RPTOR: variants seen among roughly 807,000 people sequenced by gnomAD.
RPTOR encodes the protein regulatory associated protein of MTOR complex 1.
Under a neutral mutation model 169.9 loss-of-function variants are expected in RPTOR, and 21 were observed. That is an observed-to-expected ratio of 0.12 (90% CI 0.09 to 0.18). The LOEUF (loss-of-function observed/expected upper bound fraction) is 0.18. RPTOR is among the 10% of genes least tolerant of loss of function. RPTOR has a pLI of 1.00. For missense variants in RPTOR, 1,133 were observed against 1,855.9 expected (o/e 0.61, Z 7.16); for synonymous variants, 732 against 753.2 (o/e 0.97, Z 0.46).
intron 13 of RPTOR, among the ~76,000 whole-genome samples, chr17:80,872,976 G>GC (rs1254165672): frequency 6.6e-6 from 1 of 152,208 alleles, no homozygotes; most frequent in East Asian, 1.9e-4. Context: ...CCTAGAGCGG[G>GC]CCCCCCACCA....
In RPTOR at chr17:80,618,397, T is replaced by A. The variant is rs547797996; in HGVS notation, c.163-7294T>A. ...TGAAACTTATTTTGTATGCAGTTCTTATTTTGACTTTCAGAAATCTAAATT... is the reference window on the plus strand; with the variant it reads ...TGAAACTTATTTTGTATGCAGTTCTAATTTTGACTTTCAGAAATCTAAATT... On this transcript the variant is annotated intron_variant, in intron 1 of 33. Transcript: ENST00000306801. Among the ~76,000 whole-genome samples the A allele has an allele frequency of 8.5e-5, 13 of 152,368 alleles. 1 individual carries two copies. The South Asian group carries it at 2.5e-3, about 29-fold the overall frequency.
rs1465093316 is a variant in RPTOR at position 80,546,778 on chromosome 17, GC to G, written c.162+988del. On this transcript the variant is annotated intron_variant, in intron 1 of 33. Transcript: ENST00000306801. ...ATATAAGATTACACTTCTGGGCTGG[GC>G]GCGGTGGCTCACGCCTGTAATCTCA... 2.6e-5 allele frequency among the ~76,000 whole-genome samples: 4 copies of G among 152,246 alleles called. No individual in the cohort carries two copies. In the East Asian group the frequency reaches 7.7e-4, roughly 29 times the overall value.
intron 4 of RPTOR, among the ~76,000 whole-genome samples, chr17:80,720,166 C>T (rs545475314): frequency 4.6e-5 from 7 of 152,146 alleles, no homozygotes; most frequent in South Asian, 4.1e-4. Context: ...TGCATAGTGG[C>T]GGGCACCTGT....
chr17:80,743,408 A>G, intron 5 of RPTOR: 1 of 985,530 alleles, frequency 1.0e-6, no homozygotes, highest in Non-Finnish European at 1.2e-6. Context: ...GAACGTAAGA[A>G]GTTGCCAGCA....
chr17:80,698,321 C>G (rs532191686), intron 3 of RPTOR, among the ~76,000 whole-genome samples: 1 of 151,592 alleles, frequency 6.6e-6, no homozygotes, highest in Non-Finnish European at 1.5e-5. Context: ...CCAGGCCTCA[C>G]TGACTCCTGT....
In RPTOR at chr17:80,545,638, C is replaced by T. The variant is rs759490809; in HGVS notation, c.9C>T (p.Ser3=). The T allele has an allele frequency of 6.2e-7, 1 of 1,611,192 alleles. No homozygotes were observed. Among genetic ancestry groups the T allele is most frequent in the Non-Finnish European group, 8.5e-7 (1 of 1,178,706 alleles). ...CACCCCCTCCCCCACTGATGGAGTC[C>T]GAAATGCTGCAATCGCCTCTTCTGG... ME[S]EMLQSPLLGL... The change falls in exon 1 of 34, where the codon TCC becomes TCT. Residue 3 remains serine (S), a synonymous_variant. Coordinates refer to ENST00000306801, the MANE Select transcript of RPTOR (RefSeq NM_020761.3).
At chr17:80,876,920 G>A (rs1258786009) in intron 13 of RPTOR, among the ~76,000 whole-genome samples, 2 of 132,190 alleles carry the variant, frequency 1.5e-5, no homozygotes, top group Non-Finnish European at 3.2e-5. Flanking sequence ...GTCGCCTGCC[G>A]GGTCTTCCCA....
chr17:80,784,792 G>A (rs1021346199), intron 6 of RPTOR, among the ~76,000 whole-genome samples: 5 of 151,536 alleles, frequency 3.3e-5, no homozygotes, highest in African/African-American at 7.3e-5. Flanking sequence ...TCCGCCTCCC[G>A]AGTTCAAGTG....
intron 4 of RPTOR, among the ~76,000 whole-genome samples, chr17:80,722,322 C>T (rs935748710): frequency 6.6e-6 from 1 of 151,116 alleles, no homozygotes; most frequent in African/African-American, 2.5e-5. Flanking sequence ...TGCAGCTGAA[C>T]ATTTTTGGGA....
At chr17:80,892,207 C>T (rs1192715165) in intron 18 of RPTOR, among the ~76,000 whole-genome samples, 1 of 152,124 alleles carries the variant, frequency 6.6e-6, no homozygotes, top group Non-Finnish European at 1.5e-5. Flanking sequence ...TCATGTCAGG[C>T]GTGCTTTCTC....
At chr17:80,625,837 C>T (rs747187346) in intron 2 of RPTOR, 44 bp downstream of exon 2, 26 of 1,415,576 alleles carry the variant, frequency 1.8e-5, no homozygotes, top group South Asian at 6.9e-5. Flanking sequence ...GCCGTCTGGC[C>T]GGCTCTGGCC....
chr17:80,644,912 A>G (rs1447897525), intron 3 of RPTOR, among the ~76,000 whole-genome samples: 4 of 152,212 alleles, frequency 2.6e-5, no homozygotes, highest in African/African-American at 4.8e-5. Flanking sequence ...TGTCAAGTCA[A>G]TAACAGCAGA....
intron 1 of RPTOR, among the ~76,000 whole-genome samples, chr17:80,579,238 G>T (rs1413728445): frequency 6.6e-6 from 1 of 152,106 alleles, no homozygotes; most frequent in Non-Finnish European, 1.5e-5. Flanking sequence ...TTGTTGCCCA[G>T]GCTGGAGTGC....
intron 20 of RPTOR, among the ~76,000 whole-genome samples, chr17:80,898,030 C>A (rs1484886313): frequency 6.6e-6 from 1 of 152,194 alleles, no homozygotes; most frequent in African/African-American, 2.4e-5. Flanking sequence ...ATGATGTGTT[C>A]TTTCGGTGTC....
chr17:80,877,094 G>A (rs371443874), intron 13 of RPTOR, among the ~76,000 whole-genome samples: 13 of 151,388 alleles, frequency 8.6e-5, no homozygotes, highest in Admixed American at 3.3e-4. Context: ...CCCGTGCCAC[G>A]CAGGGAGTGT....
At chr17:80,665,631 G>T (rs541454126) in intron 3 of RPTOR, among the ~76,000 whole-genome samples, 1 of 149,942 alleles carries the variant, frequency 6.7e-6, no homozygotes, top group Admixed American at 6.7e-5. Flanking sequence ...TGCAACCTCC[G>T]CCTCCCAGGT....
intron 24 of RPTOR, among the ~76,000 whole-genome samples, chr17:80,928,569 C>T (rs1192881408): frequency 5.3e-5 from 8 of 152,218 alleles, no homozygotes; most frequent in African/African-American, 1.2e-4. Context: ...GTAAGGACAG[C>T]GTCTGCTAAC....
intron 11 of RPTOR, 31 bp from the exon 12 acceptor site, chr17:80,855,433 C>T (rs2143744148): frequency 5.2e-6 from 8 of 1,537,926 alleles, no homozygotes; most frequent in South Asian, 1.1e-5. Flanking sequence ...GTATGGTTTG[C>T]AGTGATACCA....
intron 3 of RPTOR, among the ~76,000 whole-genome samples, chr17:80,668,161 G>A (rs144091862): frequency 2.2e-4 from 34 of 152,212 alleles, no homozygotes; most frequent in East Asian, 9.7e-4. Flanking sequence ...GAGGGGTAGC[G>A]GAGAGGCAGG....
Sources: gnomAD v4.1 joint callset for allele counts (sites outside exome capture counted in the v4.1 genomes callset) on GRCh38, gnomAD v4.1.1 for gene constraint, MANE v1.5 for transcripts, NCBI Gene and HGNC (gene_info 2026-07-23, HGNC 2026-07-21) for gene names.